Variants in ANGEL2 observed in about 807,000 individuals in gnomAD.
ANGEL2 encodes RNA 2',3'-cyclic phosphatase ANGEL2.
In ANGEL2, 41 loss-of-function variants were observed where a neutral mutation model predicts 66.0. The observed-to-expected ratio is 0.62, with a 90% confidence interval of 0.48 to 0.81. The LOEUF (loss-of-function observed/expected upper bound fraction) is 0.81, where lower values mean the gene tolerates loss of function less well. Among genes scored for constraint, ANGEL2 ranks in the 30% least tolerant of loss-of-function variants. The pLI, the probability that ANGEL2 is intolerant of heterozygous loss-of-function variation, is 0.00. For synonymous variants in ANGEL2, 208 were observed against 226.5 expected (o/e 0.92, Z 0.73); for missense variants, 561 against 641.6 (o/e 0.87, Z 1.36).
chr1:213,015,124 TG>T, intron 1 of ANGEL2: 1 of 990,666 alleles, frequency 1.0e-6, no homozygotes, highest in African/African-American at 1.7e-5. Context: ...GACATACAAG[TG>T]ACTAAAGTTT....
chr1:213,004,865 CAAAAAAAA>C (rs60445711), intron 5 of ANGEL2, among the ~76,000 whole-genome samples, 160 bp downstream of exon 5: 2 of 35,242 alleles, frequency 5.7e-5, no homozygotes, highest in Non-Finnish European at 9.9e-5. Flanking sequence ...GAGACTGTCT[CAAAAAAAA>C]AAAAAAAAAA....
chr1:213,013,624 A>C (rs548187200), intron 1 of ANGEL2, among the ~76,000 whole-genome samples: 1 of 152,334 alleles, frequency 6.6e-6, no homozygotes, highest in South Asian at 2.1e-4. Context: ...CATGAATGGT[A>C]TTCTGAATAC....
At chr1:212,995,264 T>C (rs2075965393) in intron 8 of ANGEL2, 72 bp from the exon 9 acceptor site, 1 of 1,399,782 alleles carries the variant, frequency 7.1e-7, no homozygotes, top group Non-Finnish European at 9.6e-7. Flanking sequence ...ATACAAGTCT[T>C]TTCTCCAAAC....
At chr1:212,995,257 C>A in intron 8 of ANGEL2, 65 bp from the exon 9 acceptor site, 1 of 1,429,692 alleles carries the variant, frequency 7.0e-7, no homozygotes, top group Non-Finnish European at 9.4e-7. Flanking sequence ...ATTAATCATA[C>A]AAGTCTTTTC....
Position 213,013,213 on chromosome 1 carries a change from G to C in ANGEL2, c.265C>G (p.Gln89Glu), listed in dbSNP as rs745478389. The C allele has an allele frequency of 1.2e-6, 2 of 1,614,162 alleles. No individual in the cohort carries two copies. Among genetic ancestry groups the C allele is most frequent in the East Asian group, 2.2e-5 (1 of 44,878 alleles). Residue 89 changes from glutamine to glutamate, a missense_variant, in exon 2 of 9, where the codon CAG becomes GAG. By Grantham distance (29) the Gln-to-Glu change is conservative. Coordinates refer to ENST00000366962, the MANE Select transcript of ANGEL2 (RefSeq NM_144567.5). ...RPPCLFESRT[Q>E]FQYCNWRPDN... ...GGTCTCCAGTTACAGTACTGGAACT[G>C]AGTTCTAGACTCAAACAAACAGGGT...
rs894897575 is a variant in ANGEL2 at position 213,008,439 on chromosome 1, A to G, written c.413T>C (p.Ile138Thr). ...QGVIKRNWEY[I>T]CSHDKEKTKI... ...CGTTTTTTCTTTATCATGGCTACAT[A>G]TATATTCCCAATTCCGCTTTATCAC... Residue 138 changes from isoleucine to threonine, a missense_variant, in exon 3 of 9, where the codon ATA becomes ACA. Coordinates refer to ENST00000366962, the MANE Select transcript of ANGEL2 (RefSeq NM_144567.5). 2 of 1,613,674 alleles carry G rather than the reference A, an allele frequency of 1.2e-6. No homozygotes were observed. The highest frequency in any genetic ancestry group is 2.7e-5 in the African/African-American group (2 of 74,990).
chr1:212,997,213 G>C lies in ANGEL2; in HGVS notation c.1425C>G (p.Ala475=), dbSNP rs377081342. The C allele has an allele frequency of 3.0e-5, 48 of 1,613,804 alleles. No homozygotes were observed. The highest frequency in any genetic ancestry group is 3.2e-5 in the Non-Finnish European group (38 of 1,179,876). Reference sequence around the variant, plus strand: ...AGTAGAAAATATAATCCACAGTTATGGCACTTCGGGAATGACAGGTGGTCA... The same window carrying C: ...AGTAGAAAATATAATCCACAGTTATCGCACTTCGGGAATGACAGGTGGTCA... ...PEVTTCHSRS[A]ITVDYIFYSA... Residue 475 remains alanine, a synonymous_variant, in exon 8 of 9, where the codon GCC becomes GCG. Coordinates refer to ENST00000366962, the MANE Select transcript of ANGEL2 (RefSeq NM_144567.5).
In ANGEL2 at chr1:213,007,115, A is replaced by AC. The variant is rs1347856490; in HGVS notation, c.712+13_712+14insG. On this transcript the variant is annotated intron_variant, in intron 4 of 8. Transcript: ENST00000366962. Reference sequence around the variant, plus strand: ...CTCAAAAAAGAAAAAAAAAAAAAAAAAGTTGCATTGTACCCAGTGATTCCA... The same window carrying AC: ...CTCAAAAAAGAAAAAAAAAAAAAAAACAGTTGCATTGTACCCAGTGATTCCA... 1.9e-6 allele frequency: 3 copies of AC among 1,607,324 alleles called. No homozygotes were observed. Among genetic ancestry groups the AC allele is most frequent in the Non-Finnish European group, 2.5e-6 (3 of 1,176,930 alleles).
At chr1:213,008,629 T>C (rs142404393) in intron 2 of ANGEL2, among the ~76,000 whole-genome samples, 163 bp from the exon 3 acceptor site, 16 of 152,358 alleles carry the variant, frequency 1.1e-4, no homozygotes, top group African/African-American at 3.8e-4. Flanking sequence ...AGAACTGTTA[T>C]CAAATTGGTT....
At chr1:213,001,806 T>C (rs2076185133) in intron 5 of ANGEL2, 1 of 152,302 alleles carries the variant, frequency 6.6e-6, no homozygotes, top group Non-Finnish European at 1.5e-5. Context: ...GAAAATACTC[T>C]GCTCATCTAT....
intron 1 of ANGEL2, chr1:213,015,321 G>A (rs1466978179): frequency 4.5e-6 from 6 of 1,338,666 alleles, no homozygotes; most frequent in Non-Finnish European, 5.8e-6. Flanking sequence ...CTGGGTTGGG[G>A]GAAGCAGGCC....
chr1:213,008,302 A>T lies in ANGEL2; in HGVS notation c.550T>A (p.Ser184Thr). 6.2e-7 allele frequency: 1 copy of T among 1,614,188 alleles called. No individual in the cohort carries two copies. Among genetic ancestry groups the T allele is most frequent in the Non-Finnish European group, 8.5e-7 (1 of 1,179,992 alleles). ...CGCCGGCAATGTCTATAAAGGTGAG[A>T]GTTATCTTCCAGTAAATCTTGTGAA... ...ILSQDLLEDN[S>T]HLYRHCRRPV... The change falls in exon 3 of 9, where the codon TCT becomes ACT. Residue 184 changes from serine to threonine, a missense_variant. Transcript: ENST00000366962.
Position 213,015,683 on chromosome 1 carries a change from G to A in ANGEL2, c.-12C>T, listed in dbSNP as rs80168881. ...CGCCAGGCTTCCATCTTCGCCCTCCGCGTGCGTCCAGTTCCCAGGCCCCGG... is the reference window on the plus strand; with the variant it reads ...CGCCAGGCTTCCATCTTCGCCCTCCACGTGCGTCCAGTTCCCAGGCCCCGG... On this transcript the variant is annotated 5_prime_UTR_variant, in exon 1 of 9. Transcript: ENST00000366962. 5.6e-4 allele frequency: 908 copies of A among 1,613,982 alleles called. 6 individuals carry two copies. The African/African-American group carries it at 0.011, about 20-fold the overall frequency.
chr1:212,997,556 T>C (rs1262906099), intron 7 of ANGEL2, among the ~76,000 whole-genome samples: 2 of 152,244 alleles, frequency 1.3e-5, no homozygotes, highest in South Asian at 2.1e-4. Flanking sequence ...AACATACTAA[T>C]GTGTTTTTTC....
Position 212,994,251 on chromosome 1 carries a change from C to T in ANGEL2, c.*790G>A, listed in dbSNP as rs2075938205. 6.6e-6 allele frequency: 1 copy of T among 151,998 alleles called. No individual in the cohort carries two copies. The allele number at this position is 151,998 out of a possible 1,614,324, so 9.4% of individuals were successfully genotyped here. A position where few individuals can be genotyped will look rare whatever the true frequency, so the allele number is the denominator to read the frequency against. ...AGCAAAGATTGCGCCATTGCACCCC[C>T]AGCCTGGGCAACAAGAGTGAAACTC... On this transcript the variant is annotated 3_prime_UTR_variant, in exon 9 of 9. Transcript: ENST00000366962.
chr1:212,996,636 AAAAAATATATATATATAT>A (rs1224753217), intron 8 of ANGEL2, among the ~76,000 whole-genome samples: 1 of 41,950 alleles, frequency 2.4e-5, no homozygotes, highest in South Asian at 1.5e-3. Flanking sequence ...AAAAAAAAAA[AAAAAATATATATATATAT>A]ATATATATAT....
At chr1:213,013,670 AC>A (rs2076566207) in intron 1 of ANGEL2, among the ~76,000 whole-genome samples, 1 of 152,236 alleles carries the variant, frequency 6.6e-6, no homozygotes, top group South Asian at 2.1e-4. Flanking sequence ...CCAAAATACC[AC>A]ATACCCCTGA....
In ANGEL2 at chr1:212,995,486, C is replaced by T. The variant is rs528228031; in HGVS notation, c.1484-294G>A. 1.8e-3 allele frequency among the ~76,000 whole-genome samples: 272 copies of T among 152,242 alleles called. 3 individuals are homozygous for T. Among genetic ancestry groups the T allele is most frequent in the Admixed American group, 4.1e-3 (62 of 15,290 alleles). On this transcript the variant is annotated intron_variant, in intron 8 of 8. Transcript: ENST00000366962. ...AAGGGTAATTTGTGGTTGACAACTACATAAGAAACTCATCCAGCAACCATT... is the reference window on the plus strand; with the variant it reads ...AAGGGTAATTTGTGGTTGACAACTATATAAGAAACTCATCCAGCAACCATT...
At chr1:213,003,971 G>T (rs1039414849) in intron 5 of ANGEL2, among the ~76,000 whole-genome samples, 5 of 151,772 alleles carry the variant, frequency 3.3e-5, no homozygotes, top group Admixed American at 6.6e-5. Context: ...AGGCCGAGGT[G>T]AACCTGCAGG....
Sources: gnomAD v4.1 joint callset for allele counts (sites outside exome capture counted in the v4.1 genomes callset) on GRCh38, gnomAD v4.1.1 for gene constraint, MANE v1.5 for transcripts, NCBI Gene and HGNC (gene_info 2026-07-23, HGNC 2026-07-21) for gene names.